The following EEFSEC variants were observed in gnomAD, a reference collection of about 807,000 sequenced individuals.
EEFSEC encodes selenocysteine-specific elongation factor.
In EEFSEC, 43 loss-of-function variants were observed where a neutral mutation model predicts 42.1. That is an observed-to-expected ratio of 1.02 (90% confidence interval 0.80 to 1.32). The LOEUF (loss-of-function observed/expected upper bound fraction) is 1.32, where lower values mean the gene tolerates loss of function less well. Ranked by LOEUF, EEFSEC falls within the 40% of genes most tolerant of loss-of-function variation. The pLI is 0.00. For missense variants in EEFSEC, 745 were observed against 803.6 expected (o/e 0.93, Z 0.88); for synonymous variants, 354 against 339.1 (o/e 1.04, Z -0.48).
At chr3:128,269,232 T>C (rs62273567) in intron 4 of EEFSEC, among the ~76,000 whole-genome samples, 53,219 of 152,202 alleles carry the variant, frequency 0.35, 11,372 homozygotes, top group Non-Finnish European at 0.47. Context: ...CCTGGCCATG[T>C]GCCCTGCTGT....
chr3:128,174,238 C>T (rs1303937301), intron 1 of EEFSEC, among the ~76,000 whole-genome samples: 1 of 152,194 alleles, frequency 6.6e-6, no homozygotes, highest in African/African-American at 2.4e-5. Context: ...GCCTGGAAAG[C>T]AGACTAACAC....
At chr3:128,218,473 CG>C (rs1165458684) in intron 1 of EEFSEC, among the ~76,000 whole-genome samples, 2 of 152,206 alleles carry the variant, frequency 1.3e-5, no homozygotes, top group Admixed American at 6.5e-5. Flanking sequence ...CTGGGCCAAG[CG>C]CAGTGTCCAT....
At chr3:128,170,074 A>G (rs1208562390) in intron 1 of EEFSEC, among the ~76,000 whole-genome samples, 1 of 152,094 alleles carries the variant, frequency 6.6e-6, no homozygotes, top group East Asian at 1.9e-4. Context: ...ATGTTGGGAT[A>G]ATTTTTGTAC....
chr3:128,375,444 A>G (rs1250526437), intron 6 of EEFSEC, among the ~76,000 whole-genome samples: 1 of 152,182 alleles, frequency 6.6e-6, no homozygotes, highest in East Asian at 1.9e-4. Context: ...AGTTGCCTTG[A>G]CAGTGCCCTC....
rs137966755 is a variant in EEFSEC at position 128,394,335 on chromosome 3, G to A, written c.1601-13734G>A. 3.5e-3 allele frequency among the ~76,000 whole-genome samples: 536 copies of A among 152,256 alleles called. 1 individual carries two copies. The highest frequency in any genetic ancestry group is 7.9e-3 in the South Asian group (38 of 4,828). Reference sequence around the variant, plus strand: ...CACCGCCGCCTGCCCACGGCCTCTCGCTCTGCTCTGGGAACAGGGCTGATA... The same window carrying A: ...CACCGCCGCCTGCCCACGGCCTCTCACTCTGCTCTGGGAACAGGGCTGATA... On this transcript the variant is annotated intron_variant, in intron 6 of 6. Transcript: ENST00000254730.
intron 1 of EEFSEC, among the ~76,000 whole-genome samples, chr3:128,229,868 G>GTTTC (rs901843815): frequency 7.9e-5 from 12 of 152,284 alleles, no homozygotes; most frequent in Admixed American, 7.2e-4. Flanking sequence ...GGGTGCGGGA[G>GTTTC]TTTCTGTTCC....
intron 1 of EEFSEC, among the ~76,000 whole-genome samples, chr3:128,190,712 C>G (rs530103910): frequency 2.6e-5 from 4 of 152,220 alleles, no homozygotes; most frequent in Admixed American, 6.5e-5. Context: ...ACCACTCACT[C>G]ACTGACTCGC....
intron 1 of EEFSEC, among the ~76,000 whole-genome samples, chr3:128,196,007 C>T (rs2065580978): frequency 2.0e-5 from 3 of 152,234 alleles, no homozygotes; most frequent in African/African-American, 4.8e-5. Context: ...CGCCTTTCTG[C>T]GAGGGCCTGC....
At chr3:128,250,401 C>T (rs1447225193) in intron 2 of EEFSEC, among the ~76,000 whole-genome samples, 3 of 151,904 alleles carry the variant, frequency 2.0e-5, no homozygotes, top group Non-Finnish European at 4.4e-5. Context: ...AAGTTTAGGT[C>T]TTTGATCATT....
At chr3:128,199,758 G>A (rs1489705384) in intron 1 of EEFSEC, among the ~76,000 whole-genome samples, 1 of 151,938 alleles carries the variant, frequency 6.6e-6, no homozygotes, top group African/African-American at 2.4e-5. Flanking sequence ...TTTTGAGATG[G>A]GGTCTCACTC....
intron 1 of EEFSEC, among the ~76,000 whole-genome samples, chr3:128,176,861 C>T (rs766445385): frequency 2.0e-5 from 3 of 151,966 alleles, no homozygotes; most frequent in Non-Finnish European, 4.4e-5. Context: ...ACTATTATGA[C>T]CACTATTTTA....
chr3:128,352,959 T>G (rs140589377), intron 5 of EEFSEC, among the ~76,000 whole-genome samples: 196 of 152,354 alleles, frequency 1.3e-3, no homozygotes, highest in African/African-American at 4.2e-3. Flanking sequence ...GCCTTTTCTC[T>G]TATTCTATTG....
At chr3:128,156,181 C>T (rs552085347) in intron 1 of EEFSEC, among the ~76,000 whole-genome samples, 27 of 152,178 alleles carry the variant, frequency 1.8e-4, no homozygotes, top group Non-Finnish European at 3.4e-4. Context: ...AGCTGTATGA[C>T]GTTTGAACCT....
At chr3:128,161,749 T>C (rs1458357851) in intron 1 of EEFSEC, among the ~76,000 whole-genome samples, 2 of 152,240 alleles carry the variant, frequency 1.3e-5, no homozygotes, top group South Asian at 2.1e-4. Flanking sequence ...ATCTGTTTTA[T>C]TGAGGTGTGT....
chr3:128,404,925 G>A (rs772583324), intron 6 of EEFSEC, among the ~76,000 whole-genome samples: 48 of 151,928 alleles, frequency 3.2e-4, no homozygotes, highest in Non-Finnish European at 6.6e-4. Flanking sequence ...TCTCACTTCC[G>A]CCTGCCAGAG....
chr3:128,238,669 A>G (rs1276742482), intron 1 of EEFSEC, among the ~76,000 whole-genome samples: 1 of 152,136 alleles, frequency 6.6e-6, no homozygotes, highest in African/African-American at 2.4e-5. Context: ...TTTGTATTTT[A>G]GTAGAGACGG....
chr3:128,245,242 G>A (rs942593516), intron 1 of EEFSEC, among the ~76,000 whole-genome samples: 1 of 152,236 alleles, frequency 6.6e-6, no homozygotes, highest in African/African-American at 2.4e-5. Context: ...ATGGGAACTG[G>A]AGCTGGAACA....
intron 1 of EEFSEC, among the ~76,000 whole-genome samples, chr3:128,165,245 G>GC (rs2107767376): frequency 6.6e-6 from 1 of 152,360 alleles, no homozygotes; most frequent in East Asian, 1.9e-4. Context: ...AGTAGCCAGT[G>GC]CCAGGCTCTG....
intron 1 of EEFSEC, among the ~76,000 whole-genome samples, chr3:128,239,188 C>T (rs1010933694): frequency 2.6e-5 from 4 of 152,222 alleles, no homozygotes; most frequent in Non-Finnish European, 5.9e-5. Context: ...CCTGGGTCCA[C>T]AGGAGTTGGG....
Sources: gnomAD v4.1 joint callset for allele counts (sites outside exome capture counted in the v4.1 genomes callset) on GRCh38, gnomAD v4.1.1 for gene constraint, MANE v1.5 for transcripts, NCBI Gene and HGNC (gene_info 2026-07-23, HGNC 2026-07-21) for gene names.